Variants in CD8B observed in about 807,000 individuals in gnomAD.
CD8B encodes CD8 subunit beta.
In CD8B, 6 loss-of-function variants were observed where a neutral mutation model predicts 24.2. The observed-to-expected ratio is 0.25, with a 90% CI of 0.14 to 0.49. The LOEUF is 0.49. Ranked by LOEUF, CD8B falls within the 20% of genes least tolerant of loss-of-function variation. The pLI, the probability that CD8B is intolerant of heterozygous loss-of-function variation, is 0.98. For missense variants in CD8B, 196 were observed against 271.3 expected (o/e 0.72, Z 1.95); for synonymous variants, 84 against 108.3 (o/e 0.78, Z 1.39).
rs144211942 is a variant in CD8B at position 86,825,894 on chromosome 2, C to T, written c.621-10176G>A. ...TGCATGCTCAACATGGTGTCAGCTG[C>T]CCCAAAGAGCACCAGGAGGAGACAG... On this transcript the variant is annotated intron_variant, in intron 5 of 5. Transcript: ENST00000331469. 1.1e-3 allele frequency among the ~76,000 whole-genome samples: 160 copies of T among 152,140 alleles called. 3 individuals are homozygous for T. In the East Asian group the frequency reaches 0.025, roughly 24 times the overall value.
chr2:86,861,769 C>G (rs1398049859), intron 1 of CD8B, 54 bp downstream of exon 1: 6 of 1,226,680 alleles, frequency 4.9e-6, no homozygotes, highest in African/African-American at 3.1e-5. Flanking sequence ...ATCACCTCCC[C>G]GCTCAGGCCC....
At chr2:86,852,015 C>T (rs1676000727) in intron 3 of CD8B, among the ~76,000 whole-genome samples, 1 of 152,234 alleles carries the variant, frequency 6.6e-6, no homozygotes, top group African/African-American at 2.4e-5. Context: ...ATCACCCAGG[C>T]TGGAGTGCAG....
At chr2:86,859,860 T>C (rs1173120317) in intron 1 of CD8B, among the ~76,000 whole-genome samples, 2 of 152,132 alleles carry the variant, frequency 1.3e-5, no homozygotes, top group South Asian at 2.1e-4. Context: ...AAATCCTGCC[T>C]GCACTTGCAG....
downstream of CD8B, among the ~76,000 whole-genome samples, chr2:86,833,362 TAG>T (rs1216783099): frequency 2.6e-5 from 4 of 151,844 alleles, no homozygotes; most frequent in Non-Finnish European, 5.9e-5. Context: ...GTATTTTTAG[TAG>T]AGACAGAATT....
chr2:86,816,770 G>A (rs1444812721), intron 5 of CD8B, among the ~76,000 whole-genome samples: 1 of 152,190 alleles, frequency 6.6e-6, no homozygotes, highest in Non-Finnish European at 1.5e-5. Context: ...TTTAAAAAAT[G>A]TGTTTTTAAG....
At chr2:86,821,517 G>A (rs1312094538) in intron 5 of CD8B, among the ~76,000 whole-genome samples, 2 of 152,208 alleles carry the variant, frequency 1.3e-5, no homozygotes, top group Non-Finnish European at 2.9e-5. Context: ...ACACACTTGA[G>A]TTAAGATCAC....
At position 86,840,826 on chromosome 2, in the gene CD8B, T is replaced by A. The variant is rs1675388157; in HGVS notation, c.*1481A>T. 6.6e-6 allele frequency among the ~76,000 whole-genome samples: 1 copy of A among 152,142 alleles called. No homozygotes were observed. The highest frequency in any genetic ancestry group is 2.4e-5 in the African/African-American group (1 of 41,440). ...TTCTAACTCCACCCACCACACCTCA[T>A]TCTGCTGCGGCCGCACCCCAGATGC... On this transcript the variant is annotated 3_prime_UTR_variant, in exon 6 of 6. Coordinates refer to ENST00000390655, the MANE Select transcript of CD8B (RefSeq NM_004931.5).
In CD8B at chr2:86,821,763, C is replaced by T. The variant is rs746753620; in HGVS notation, c.621-6045G>A. The stretch of plus-strand genomic sequence containing the variant: ...CAGTTTCACTTTTAGCAAAGAGCCC[C>T]GCTGCAGCAGGGGAAAGCCCCCACA... On this transcript the variant is annotated intron_variant, in intron 5 of 5. Coordinates refer to the CD8B transcript ENST00000331469. The T allele has an allele frequency of 3.7e-5, 16 of 429,486 alleles. 1 individual carries two copies. Among genetic ancestry groups the T allele is most frequent in the African/African-American group, 1.4e-4 (7 of 49,398 alleles). 26.6% of individuals were successfully genotyped at this position (429,486 alleles called of 1,614,324 possible). A position where few individuals can be genotyped will look rare whatever the true frequency, so the allele number is the denominator to read the frequency against.
intron 5 of CD8B, among the ~76,000 whole-genome samples, chr2:86,828,926 CTT>C (rs61058421): frequency 6.9e-6 from 1 of 145,416 alleles, no homozygotes; most frequent in Non-Finnish European, 1.5e-5. Flanking sequence ...CATACACACT[CTT>C]TTTTTTTTTC....
Position 86,839,476 on chromosome 2 carries a change from A to G in CD8B, c.*2831T>C, listed in dbSNP as rs1675317542. Among the ~76,000 whole-genome samples the G allele has an allele frequency of 2.0e-5, 3 of 152,250 alleles. No homozygotes were observed. The South Asian group carries it at 6.2e-4, about 31-fold the overall frequency. On this transcript the variant is annotated 3_prime_UTR_variant, in exon 6 of 6. Coordinates refer to ENST00000390655, the MANE Select transcript of CD8B (RefSeq NM_004931.5). Reference sequence around the variant, plus strand: ...TGGAGTTTGGGGGGCATATTTCATCATAATGGCCCTATAGAGTGTAGTAGC... The same window carrying G: ...TGGAGTTTGGGGGGCATATTTCATCGTAATGGCCCTATAGAGTGTAGTAGC...
intron 5 of CD8B, among the ~76,000 whole-genome samples, chr2:86,829,260 C>T (rs1674815384): frequency 6.6e-6 from 1 of 152,016 alleles, no homozygotes; most frequent in Non-Finnish European, 1.5e-5. Flanking sequence ...GTGCATGCCA[C>T]CATGCCCGGC....
intron 5 of CD8B, among the ~76,000 whole-genome samples, chr2:86,821,371 T>C (rs1173233420): frequency 6.6e-6 from 1 of 152,222 alleles, no homozygotes; most frequent in Non-Finnish European, 1.5e-5. Flanking sequence ...CACCTCGTTC[T>C]GCGGTTAAGA....
chr2:86,828,215 A>G (rs1674767226), intron 5 of CD8B, among the ~76,000 whole-genome samples: 1 of 152,160 alleles, frequency 6.6e-6, no homozygotes, highest in Admixed American at 6.6e-5. Context: ...GCGAATGTCA[A>G]TAAACAACAT....
chr2:86,826,250 T>C (rs1472640236), intron 5 of CD8B, among the ~76,000 whole-genome samples: 1 of 151,954 alleles, frequency 6.6e-6, no homozygotes, highest in Non-Finnish European at 1.5e-5. Context: ...CCCCTGCCTT[T>C]TGTTTAGCCG....
chr2:86,853,139 T>A, intron 2 of CD8B, 53 bp from the exon 3 acceptor site: 2 of 1,548,324 alleles, frequency 1.3e-6, no homozygotes, highest in East Asian at 4.9e-5. Context: ...CCACGTGGAC[T>A]CAAAGACAAA....
At chr2:86,817,757 C>A (rs1674313709) in intron 5 of CD8B, among the ~76,000 whole-genome samples, 2 of 152,146 alleles carry the variant, frequency 1.3e-5, no homozygotes, top group South Asian at 2.1e-4. Flanking sequence ...AAGACTGAAG[C>A]AAATTTGGCA....
intron 3 of CD8B, among the ~76,000 whole-genome samples, chr2:86,847,636 G>A (rs1381194388): frequency 1.3e-5 from 2 of 152,202 alleles, no homozygotes; most frequent in African/African-American, 4.8e-5. Flanking sequence ...CGCAATCTTG[G>A]CTCACTGCAA....
In CD8B at chr2:86,823,827, G is replaced by A. The variant is rs987494357; in HGVS notation, c.621-8109C>T. On this transcript the variant is annotated intron_variant, in intron 5 of 5. Transcript: ENST00000331469. ...GAAAGAATGACGGAGAGTGAGAAGT[G>A]CTGTAAGTGCAGTGACAGACACCGC... 5.3e-5 allele frequency among the ~76,000 whole-genome samples: 8 copies of A among 152,122 alleles called. No homozygotes were observed. In the South Asian group the frequency reaches 1.5e-3, roughly 28 times the overall value.
intron 5 of CD8B, among the ~76,000 whole-genome samples, chr2:86,826,838 T>G (rs1674711301): frequency 6.9e-6 from 1 of 144,262 alleles, no homozygotes; most frequent in African/African-American, 2.5e-5. Context: ...TTTTTTTTTT[T>G]TGAGACGGGG....
Sources: gnomAD v4.1 joint callset for allele counts (sites outside exome capture counted in the v4.1 genomes callset) on GRCh38, gnomAD v4.1.1 for gene constraint, MANE v1.5 for transcripts, NCBI Gene and HGNC (gene_info 2026-07-23, HGNC 2026-07-21) for gene names.